The following ADGRF5 variants were observed in gnomAD, a reference collection of about 807,000 sequenced individuals.
ADGRF5 encodes the protein adhesion G protein-coupled receptor F5, also known as G-protein coupled receptor 116.
ADGRF5 carries 75 observed loss-of-function variants against 132.3 expected under a neutral mutation model. The ratio of observed to expected loss-of-function variants is 0.57; its 90% CI spans 0.47 to 0.69. The LOEUF (loss-of-function observed/expected upper bound fraction) is 0.69. ADGRF5 is among the 30% of genes least tolerant of loss of function. The probability of loss-of-function intolerance (pLI) is 0.00; values close to 1 mark genes in which losing one functional copy is unlikely to be tolerated. For synonymous variants in ADGRF5, 629 were observed against 597.6 expected (o/e 1.05, Z -0.77); for missense variants, 1,516 against 1,630.6 (o/e 0.93, Z 1.21).
intron 16 of ADGRF5, 129 bp from the exon 17 acceptor site, chr6:46,859,652 ACAGG>A: frequency 1.6e-6 from 1 of 629,574 alleles, no homozygotes. Context: ...ATGAGACATC[ACAGG>A]CAGTGGGGAT....
At chr6:46,932,743 A>G (rs1777615337) in intron 1 of ADGRF5, among the ~76,000 whole-genome samples, 1 of 152,146 alleles carries the variant, frequency 6.6e-6, no homozygotes, top group Non-Finnish European at 1.5e-5. Context: ...CCACCCTCAA[A>G]TATTCATCCC....
chr6:46,878,545 CT>C, intron 9 of ADGRF5, 140 bp from the exon 10 acceptor site: 1 of 615,580 alleles, frequency 1.6e-6, no homozygotes, highest in South Asian at 2.0e-5. Flanking sequence ...CTAAAGACGC[CT>C]AAAAAACCAT....
At chr6:46,933,579 T>A (rs1009871903) in intron 1 of ADGRF5, among the ~76,000 whole-genome samples, 1 of 152,230 alleles carries the variant, frequency 6.6e-6, no homozygotes, top group Non-Finnish European at 1.5e-5. Flanking sequence ...GTTGCTCTGC[T>A]TTCTAGCCTG....
At position 46,867,140 on chromosome 6, in the gene ADGRF5, G is replaced by T. The variant is rs763570867; in HGVS notation, c.1622-3C>A. On this transcript the variant is annotated splice_region_variant and splice_polypyrimidine_tract_variant and intron_variant, in intron 12 of 20. Coordinates refer to ENST00000283296, the MANE Select transcript of ADGRF5 (RefSeq NM_001098518.2). ...TCTAAATATGCAGTGATAGGTTCCTGAGTAGAAGACGGCAAAAATGAGATG... is the reference window on the plus strand; with the variant it reads ...TCTAAATATGCAGTGATAGGTTCCTTAGTAGAAGACGGCAAAAATGAGATG... 43 of 1,553,444 alleles carry T rather than the reference G, an allele frequency of 2.8e-5. No homozygotes were observed. In the South Asian group the frequency reaches 4.8e-4, roughly 17 times the overall value.
At chr6:46,899,361 G>C (rs558058269) in intron 3 of ADGRF5, among the ~76,000 whole-genome samples, 1 of 152,218 alleles carries the variant, frequency 6.6e-6, no homozygotes, top group Non-Finnish European at 1.5e-5. Flanking sequence ...GACAGGATCC[G>C]ATTTGTGCTT....
chr6:46,860,472 A>G lies in ADGRF5; in HGVS notation c.2379+243T>C, dbSNP rs1769611356. Among the ~76,000 whole-genome samples the G allele has an allele frequency of 2.0e-5, 3 of 152,178 alleles. No homozygotes were observed. In the South Asian group the frequency reaches 6.2e-4, roughly 31 times the overall value. ...TAGTTTTTCTGGAAAGCAAGTATGA[A>G]TTTATTCCATTTTAATGAAGAAAAT... is the stretch of plus-strand genomic sequence containing the variant. On this transcript the variant is annotated intron_variant, in intron 16 of 20. Coordinates refer to ENST00000283296, the MANE Select transcript of ADGRF5 (RefSeq NM_001098518.2).
chr6:46,900,212 T>C (rs1346334362), intron 2 of ADGRF5, 129 bp from the exon 3 acceptor site: 9 of 705,450 alleles, frequency 1.3e-5, no homozygotes, highest in Non-Finnish European at 2.3e-5. Flanking sequence ...GCACCATGTG[T>C]CCCGTGGATG....
chr6:46,860,093 T>C (rs1769562868), intron 16 of ADGRF5, among the ~76,000 whole-genome samples: 1 of 152,190 alleles, frequency 6.6e-6, no homozygotes, highest in Non-Finnish European at 1.5e-5. Context: ...GTTATAGCTC[T>C]GGCCTTCCAA....
intron 1 of ADGRF5, among the ~76,000 whole-genome samples, chr6:46,947,756 G>A (rs1175120984): frequency 6.6e-6 from 1 of 152,142 alleles, no homozygotes; most frequent in Non-Finnish European, 1.5e-5. Context: ...AATCCATGAA[G>A]GCATTTTTAC....
At chr6:46,911,818 C>T (rs886812932) in intron 1 of ADGRF5, among the ~76,000 whole-genome samples, 1 of 152,028 alleles carries the variant, frequency 6.6e-6, no homozygotes, top group African/African-American at 2.4e-5. Flanking sequence ...TAGCAGTAAA[C>T]AAGACAACGG....
At chr6:46,948,235 T>A (rs1490748932) in intron 1 of ADGRF5, among the ~76,000 whole-genome samples, 1 of 152,182 alleles carries the variant, frequency 6.6e-6, no homozygotes, top group Non-Finnish European at 1.5e-5. Context: ...TGACAGTAAA[T>A]ATTTGTGCAC....
At chr6:46,913,171 G>A (rs1052229223) in intron 1 of ADGRF5, among the ~76,000 whole-genome samples, 10 of 152,296 alleles carry the variant, frequency 6.6e-5, no homozygotes, top group African/African-American at 2.4e-4. Context: ...AACAAGGCTA[G>A]TGGAGTCAAG....
intron 4 of ADGRF5, among the ~76,000 whole-genome samples, chr6:46,886,344 C>G (rs1035589471): frequency 6.6e-6 from 1 of 152,208 alleles, no homozygotes; most frequent in African/African-American, 2.4e-5. Flanking sequence ...AACAAAGAAG[C>G]TGAGTGCCCG....
At chr6:46,901,202 G>T (rs1206998749) in intron 2 of ADGRF5, among the ~76,000 whole-genome samples, 1 of 152,054 alleles carries the variant, frequency 6.6e-6, no homozygotes, top group East Asian at 1.9e-4. Context: ...TCACTCATGG[G>T]ATCACCACCA....
At position 46,904,902 on chromosome 6, in the gene ADGRF5, G is replaced by T. The variant is rs115510642; in HGVS notation, c.102+1759C>A. Among the ~76,000 whole-genome samples the T allele has an allele frequency of 8.7e-3, 1,323 of 152,248 alleles. 15 individuals carry two copies. Among genetic ancestry groups the T allele is most frequent in the African/African-American group, 0.029 (1,186 of 41,538 alleles). On this transcript the variant is annotated intron_variant, in intron 2 of 20. Coordinates refer to ENST00000283296, the MANE Select transcript of ADGRF5 (RefSeq NM_001098518.2). ...TGAAGACATTATACCTTGAAGGGTA[G>T]ATCTACCAAAGAAAAGTGGGGTCCT...
upstream of ADGRF5, among the ~76,000 whole-genome samples, chr6:46,925,805 A>C (rs1202503603): frequency 6.6e-6 from 1 of 152,250 alleles, no homozygotes; most frequent in Non-Finnish European, 1.5e-5. Context: ...TGTAACACAC[A>C]AGCAAAATTA....
At chr6:46,928,020 C>A (rs576512057) in intron 1 of ADGRF5, among the ~76,000 whole-genome samples, 1 of 152,178 alleles carries the variant, frequency 6.6e-6, no homozygotes, top group Non-Finnish European at 1.5e-5. Context: ...TTGATTCTTA[C>A]CTGACTCTAA....
Position 46,853,940 on chromosome 6 carries a change from A to C in ADGRF5, c.*52T>G. On this transcript the variant is annotated 3_prime_UTR_variant, in exon 21 of 21. Transcript: ENST00000283296. ...CATTGCTTTGCAAGCATCTCTTTTTAAAAGCACAGCCACTGTCCCCGGGAG... is the reference window on the plus strand; with the variant it reads ...CATTGCTTTGCAAGCATCTCTTTTTCAAAGCACAGCCACTGTCCCCGGGAG... 2 of 1,277,842 alleles carry C rather than the reference A, an allele frequency of 1.6e-6. No homozygotes were observed. The highest frequency in any genetic ancestry group is 2.2e-6 in the Non-Finnish European group (2 of 901,500). The allele number at this position is 1,277,842 out of a possible 1,614,324, so 79.2% of individuals were successfully genotyped here.
intron 10 of ADGRF5, among the ~76,000 whole-genome samples, chr6:46,873,090 T>G (rs1319878384): frequency 6.6e-6 from 1 of 152,032 alleles, no homozygotes. Flanking sequence ...CTTTTGAAAA[T>G]CCACTTCTTC....
Sources: allele counts gnomAD v4.1 joint callset (sites outside exome capture counted in the v4.1 genomes callset), GRCh38; gene constraint gnomAD v4.1.1; transcripts MANE v1.5; gene names NCBI Gene and HGNC (gene_info 2026-07-23, HGNC 2026-07-21).